The following SLAIN1 variants were observed in gnomAD, a reference collection of about 807,000 sequenced individuals.
The protein encoded by SLAIN1 is SLAIN family member 1, also known as SLAIN motif-containing protein 1.
SLAIN1 carries 17 observed loss-of-function variants against 55.4 expected under a neutral mutation model. That is an observed-to-expected ratio of 0.31 (90% CI 0.21 to 0.46). The LOEUF is 0.46. SLAIN1 is among the 20% of genes least tolerant of loss of function. SLAIN1 has a pLI of 1.00. For missense variants in SLAIN1, 682 were observed against 785.1 expected (o/e 0.87, Z 1.57); for synonymous variants, 348 against 337.4 (o/e 1.03, Z -0.35).
intron 2 of SLAIN1, among the ~76,000 whole-genome samples, chr13:77,732,634 AT>A (rs1054522376): frequency 6.6e-6 from 1 of 152,102 alleles, no homozygotes; most frequent in African/African-American, 2.4e-5. Flanking sequence ...ATAAAAGGGA[AT>A]TTTTAAACAT....
intron 2 of SLAIN1, among the ~76,000 whole-genome samples, chr13:77,735,471 CG>C (rs1873075163): frequency 6.6e-6 from 1 of 151,890 alleles, no homozygotes; most frequent in Non-Finnish European, 1.5e-5. Flanking sequence ...TATGTTAGCC[CG>C]GGGTTGACAC....
intron 2 of SLAIN1, among the ~76,000 whole-genome samples, chr13:77,729,472 T>C (rs2091337229): frequency 6.6e-6 from 1 of 152,076 alleles, no homozygotes; most frequent in African/African-American, 2.4e-5. Context: ...CTGTGACGGT[T>C]GATTAAATTT....
At chr13:77,732,517 G>A (rs927874206) in intron 2 of SLAIN1, among the ~76,000 whole-genome samples, 14 of 152,036 alleles carry the variant, frequency 9.2e-5, no homozygotes, top group Admixed American at 2.6e-4. Context: ...ACATCTCATC[G>A]TTGCCAAATT....
chr13:77,733,334 GA>G (rs1161874601), intron 2 of SLAIN1, among the ~76,000 whole-genome samples: 10 of 152,064 alleles, frequency 6.6e-5, no homozygotes, highest in African/African-American at 2.2e-4. Context: ...ATGAACTAAT[GA>G]ACTCTTGCAT....
At chr13:77,732,125 A>C (rs1033178516) in intron 2 of SLAIN1, among the ~76,000 whole-genome samples, 2 of 152,110 alleles carry the variant, frequency 1.3e-5, no homozygotes, top group African/African-American at 4.8e-5. Flanking sequence ...CTTTTCTGTT[A>C]CTGGGATAAG....
intron 2 of SLAIN1, 166 bp from the exon 3 acceptor site, chr13:77,744,117 A>C: frequency 1.6e-6 from 1 of 642,696 alleles, no homozygotes; most frequent in Non-Finnish European, 2.8e-6. Context: ...GTATATATGA[A>C]TTGTGTACAC....
intron 2 of SLAIN1, among the ~76,000 whole-genome samples, chr13:77,725,607 G>C (rs1390179544): frequency 1.3e-5 from 2 of 152,122 alleles, no homozygotes; most frequent in African/African-American, 4.8e-5. Flanking sequence ...TTGATGTTTT[G>C]AAAAGAAAAT....
intron 5 of SLAIN1, among the ~76,000 whole-genome samples, chr13:77,756,464 G>C (rs976957362): frequency 6.6e-6 from 1 of 151,990 alleles, no homozygotes; most frequent in Non-Finnish European, 1.5e-5. Context: ...TTAATAAGTA[G>C]TATTTTTATA....
At chr13:77,709,420 G>A (rs935710845) in intron 1 of SLAIN1, among the ~76,000 whole-genome samples, 1 of 152,078 alleles carries the variant, frequency 6.6e-6, no homozygotes, top group African/African-American at 2.4e-5. Flanking sequence ...ACACAACAAA[G>A]ATACTCCTCG....
chr13:77,700,416 C>G (rs1252893214), intron 1 of SLAIN1, among the ~76,000 whole-genome samples: 1 of 152,110 alleles, frequency 6.6e-6, no homozygotes, highest in South Asian at 2.1e-4. Flanking sequence ...AGACAAATGG[C>G]AGAGAATCTT....
intron 2 of SLAIN1, among the ~76,000 whole-genome samples, chr13:77,732,888 T>C (rs747940906): frequency 6.6e-6 from 1 of 152,140 alleles, no homozygotes; most frequent in Non-Finnish European, 1.5e-5. Flanking sequence ...AGCTCTACTT[T>C]GAGACTGTTG....
chr13:77,745,816 A>G (rs1873773461), intron 3 of SLAIN1, among the ~76,000 whole-genome samples: 1 of 152,128 alleles, frequency 6.6e-6, no homozygotes, highest in Non-Finnish European at 1.5e-5. Flanking sequence ...TGGCTAAAAG[A>G]TTGTATGTCA....
rs572559592 is a variant in SLAIN1, at chr13:77,763,268, G to T, written c.*48G>T. 1.7e-5 allele frequency: 25 copies of T among 1,487,064 alleles called. No homozygotes were observed. In the African/African-American group the frequency reaches 2.9e-4, roughly 17 times the overall value. 92.1% of individuals were successfully genotyped at this position (1,487,064 alleles called of 1,614,324 possible). A position where few individuals can be genotyped will look rare whatever the true frequency, so the allele number is the denominator to read the frequency against. ...AAATGGGAAAGAAGTAAAAATGAGG[G>T]TTGTGTTACCTAGCTGGCTGGGTAG... On this transcript the variant is annotated 3_prime_UTR_variant, in exon 7 of 7. Coordinates refer to ENST00000418532, the MANE Select transcript of SLAIN1 (RefSeq NM_001242868.2).
chr13:77,750,565 A>T (rs1479221863), intron 4 of SLAIN1, among the ~76,000 whole-genome samples: 1 of 152,128 alleles, frequency 6.6e-6, no homozygotes, highest in Admixed American at 6.5e-5. Flanking sequence ...CAAATCATAC[A>T]CATAATATTT....
At chr13:77,724,736 G>A (rs2091292194) in intron 2 of SLAIN1, among the ~76,000 whole-genome samples, 1 of 147,468 alleles carries the variant, frequency 6.8e-6, no homozygotes, top group Non-Finnish European at 1.5e-5. Context: ...CTCTAATAAA[G>A]CATTTTTCTT....
intron 2 of SLAIN1, chr13:77,742,959 C>G (rs1195908743): frequency 1.1e-5 from 11 of 986,326 alleles, no homozygotes; most frequent in Non-Finnish European, 1.3e-5. Context: ...CTCCTTCTGA[C>G]AAGTCAACAT....
At chr13:77,711,585 A>G (rs932403594) in intron 1 of SLAIN1, among the ~76,000 whole-genome samples, 2 of 152,200 alleles carry the variant, frequency 1.3e-5, no homozygotes, top group African/African-American at 4.8e-5. Flanking sequence ...AGTAATTAAT[A>G]ACCTATCAAC....
intron 3 of SLAIN1, 129 bp downstream of exon 3, chr13:77,744,561 T>G: frequency 6.8e-7 from 1 of 1,460,376 alleles, no homozygotes; most frequent in Non-Finnish European, 9.3e-7. Context: ...CTGTCCTACT[T>G]TTTAGGTGGA....
At chr13:77,740,206 G>A (rs911491340) in intron 2 of SLAIN1, among the ~76,000 whole-genome samples, 2 of 152,058 alleles carry the variant, frequency 1.3e-5, no homozygotes, top group Non-Finnish European at 2.9e-5. Context: ...ATTGATGAGA[G>A]TAACACAGTT....
Sources: allele counts gnomAD v4.1 joint callset (sites outside exome capture counted in the v4.1 genomes callset), GRCh38; gene constraint gnomAD v4.1.1; transcripts MANE v1.5; gene names NCBI Gene and HGNC (gene_info 2026-07-23, HGNC 2026-07-21).